ATP2C2: variants seen among roughly 807,000 people sequenced by gnomAD.
The protein encoded by ATP2C2 is calcium-transporting ATPase type 2C member 2.
In ATP2C2, 171 loss-of-function variants were observed where a neutral mutation model predicts 110.8. The observed-to-expected ratio is 1.54, with a 90% CI of 1.36 to 1.75. The LOEUF (loss-of-function observed/expected upper bound fraction) is 1.75. Ranked by LOEUF, ATP2C2 falls within the 40% of genes most tolerant of loss-of-function variation. The pLI, the probability that ATP2C2 is intolerant of heterozygous loss-of-function variation, is 0.00. For missense variants in ATP2C2, 1,963 were observed against 1,235.0 expected (o/e 1.59, Z -8.84); for synonymous variants, 804 against 508.4 (o/e 1.58, Z -7.82).
At chr16:84,420,176 C>G (rs552874129) in intron 7 of ATP2C2, among the ~76,000 whole-genome samples, 5 of 152,196 alleles carry the variant, frequency 3.3e-5, no homozygotes, top group Middle Eastern at 3.2e-3. Context: ...CCTCCCTGCT[C>G]TGTACACCCT....
intron 2 of ATP2C2, among the ~76,000 whole-genome samples, chr16:84,399,688 C>T (rs895941776): frequency 2.0e-5 from 3 of 152,134 alleles, no homozygotes; most frequent in Admixed American, 1.3e-4. Context: ...TACTTTGATA[C>T]AGGCATACGC....
chr16:84,460,403 G>T, intron 23 of ATP2C2: 1 of 569,146 alleles, frequency 1.8e-6, no homozygotes, highest in East Asian at 3.1e-5. Context: ...ACTGTGTGTG[G>T]TTGGCCTTAC....
At position 84,459,285 on chromosome 16, in the gene ATP2C2, G is replaced by T; in HGVS notation, c.2232G>T (p.Leu744=). ...RFQLSTSISA[L]SLITLSTVFN... is the part of the protein sequence containing the mutation. Reference sequence around the variant, plus strand: ...TGCCCCGCAGGAGCATCTCCGCCCTGAGTCTCATCACTCTGTCCACCGTGT... The same window carrying T: ...TGCCCCGCAGGAGCATCTCCGCCCTTAGTCTCATCACTCTGTCCACCGTGT... The change falls in exon 23 of 27, where the codon CTG becomes CTT. Residue 744 remains leucine (L), a synonymous_variant. Coordinates refer to ENST00000262429, the MANE Select transcript of ATP2C2 (RefSeq NM_014861.4). 1 of 1,614,186 alleles carries T rather than the reference G, an allele frequency of 6.2e-7. No individual in the cohort carries two copies. Among genetic ancestry groups the T allele is most frequent in the Non-Finnish European group, 8.5e-7 (1 of 1,180,040 alleles).
intron 2 of ATP2C2, among the ~76,000 whole-genome samples, chr16:84,399,359 C>G (rs974509457): frequency 6.6e-6 from 1 of 152,228 alleles, no homozygotes; most frequent in African/African-American, 2.4e-5. Context: ...GCATATTATC[C>G]CTAGCTAGAA....
In ATP2C2 at chr16:84,460,683, C is replaced by A. The variant is rs1483743831; in HGVS notation, c.2363C>A (p.Ala788Asp). ...SLGVEPVDKD[A>D]FRQPPRSVRD... ...GGGGTAGAGCCCGTTGACAAAGACG[C>A]CTTCAGGCAGCCACCACGGAGTGTG... Residue 788 changes from alanine to aspartate, a missense_variant, in exon 24 of 27, where the codon GCC (alanine) becomes GAC (aspartate). Coordinates refer to ENST00000262429, the MANE Select transcript of ATP2C2 (RefSeq NM_014861.4). The A allele has an allele frequency of 4.3e-6, 7 of 1,614,114 alleles. No individual in the cohort carries two copies. The highest frequency in any genetic ancestry group is 2.7e-5 in the African/African-American group (2 of 74,934).
At chr16:84,408,004 C>T (rs1609478) in intron 3 of ATP2C2, among the ~76,000 whole-genome samples, 116,998 of 152,138 alleles carry the variant, frequency 0.77, 45,777 homozygotes, top group African/African-American at 0.92. Flanking sequence ...CAGGAGCAGG[C>T]TGTTACTGAG....
rs144983616 is a variant in ATP2C2, at chr16:84,412,586, A to G, written c.515+1821A>G. On this transcript the variant is annotated intron_variant, in intron 6 of 26. Transcript: ENST00000262429. ...TGTGTGTGTATGTGTGTGTGTGGAG[A>G]TGGGGTTTCACTATGTTGCTCAGTC... Among the ~76,000 whole-genome samples the G allele has an allele frequency of 3.8e-3, 572 of 151,252 alleles. 2 individuals are homozygous for G. The highest frequency in any genetic ancestry group is 0.013 in the African/African-American group (522 of 41,134).
chr16:84,402,628 C>T (rs1224954430), intron 2 of ATP2C2, among the ~76,000 whole-genome samples: 1 of 152,026 alleles, frequency 6.6e-6, no homozygotes, highest in Admixed American at 6.5e-5. Flanking sequence ...ATCCTTGCAC[C>T]CTTGGGATAA....
intron 1 of ATP2C2, among the ~76,000 whole-genome samples, chr16:84,391,119 A>G (rs1202928014): frequency 2.7e-5 from 4 of 150,432 alleles, no homozygotes; most frequent in African/African-American, 9.9e-5. Context: ...GACTCAAAAA[A>G]AAAAAAAAAA....
intron 1 of ATP2C2, among the ~76,000 whole-genome samples, chr16:84,370,472 A>T (rs1037915354): frequency 6.6e-6 from 1 of 152,134 alleles, no homozygotes; most frequent in Non-Finnish European, 1.5e-5. Context: ...ATGGCAATGA[A>T]GATCGATGGG....
chr16:84,380,990 C>T (rs58400537), intron 1 of ATP2C2, among the ~76,000 whole-genome samples: 5,062 of 152,162 alleles, frequency 0.033, 284 homozygotes, highest in African/African-American at 0.12. Context: ...ATCAGCCCGG[C>T]CAACGTAGTG....
At chr16:84,456,050 T>G (rs1017132233) in intron 21 of ATP2C2, among the ~76,000 whole-genome samples, 1 of 102,296 alleles carries the variant, frequency 9.8e-6, no homozygotes, top group African/African-American at 3.8e-5. Context: ...TTGAGGATTT[T>G]TGCATCAATG....
intron 7 of ATP2C2, among the ~76,000 whole-genome samples, chr16:84,417,444 A>G (rs998341001): frequency 3.3e-5 from 5 of 152,234 alleles, no homozygotes; most frequent in Admixed American, 2.6e-4. Flanking sequence ...TGCTTAGCAC[A>G]TGCCTTTTGT....
At chr16:84,453,443 A>T (rs1328027787) in intron 20 of ATP2C2, 72 bp downstream of exon 20, 3 of 1,585,354 alleles carry the variant, frequency 1.9e-6, no homozygotes, top group Middle Eastern at 3.4e-4. Context: ...CGAGGAGCTC[A>T]TGCGTCCGTC....
rs1203817763 is a variant in ATP2C2, at chr16:84,408,415, C to G, written c.338C>G (p.Pro113Arg). The change falls in exon 4 of 27, where the codon CCC becomes CGC. Residue 113 changes from proline (P) to arginine (R), a missense_variant. Pro to Arg is a moderately radical substitution (Grantham distance 103, BLOSUM62 -2). Coordinates refer to ENST00000262429, the MANE Select transcript of ATP2C2 (RefSeq NM_014861.4). ...WKKYLDQFKN[P>R]LILLLLGSAL... ...TTATTTCCTCTTCAGTTTAAGAACC[C>G]CCTGATCCTGCTGCTGCTGGGCTCT... The G allele has an allele frequency of 6.2e-7, 1 of 1,613,772 alleles. No homozygotes were observed. The highest frequency in any genetic ancestry group is 2.2e-5 in the East Asian group (1 of 44,862).
chr16:84,420,761 G>C lies in ATP2C2; in HGVS notation c.625-1629G>C, dbSNP rs117909982. ...GTCTCCTGAGGTTCTTGTTGGCTGTGACAGTTTCTGATGTTCCTTGTTTTT... is the reference window on the plus strand; with the variant it reads ...GTCTCCTGAGGTTCTTGTTGGCTGTCACAGTTTCTGATGTTCCTTGTTTTT... On this transcript the variant is annotated intron_variant, in intron 7 of 26. Coordinates refer to ENST00000262429, the MANE Select transcript of ATP2C2 (RefSeq NM_014861.4). 1.6e-4 allele frequency among the ~76,000 whole-genome samples: 25 copies of C among 152,226 alleles called. No homozygotes were observed. The East Asian group carries it at 3.9e-3, about 23-fold the overall frequency.
intron 24 of ATP2C2, 159 bp downstream of exon 24, chr16:84,460,960 G>A: frequency 9.2e-7 from 1 of 1,084,464 alleles, no homozygotes; most frequent in South Asian, 1.8e-5. Context: ...GGTGCATGAG[G>A]CAAAGGGACT....
chr16:84,395,508 G>C (rs970232434), intron 1 of ATP2C2, among the ~76,000 whole-genome samples: 2 of 151,310 alleles, frequency 1.3e-5, no homozygotes, highest in African/African-American at 4.9e-5. Context: ...GCCCAGGCTG[G>C]AGTGCAGTGG....
intron 1 of ATP2C2, among the ~76,000 whole-genome samples, chr16:84,392,523 C>T (rs1306176190): frequency 2.0e-5 from 3 of 152,084 alleles, no homozygotes; most frequent in Admixed American, 6.5e-5. Flanking sequence ...AGTGCAGTGG[C>T]GTGATCTCAG....
Sources: allele counts gnomAD v4.1 joint callset (sites outside exome capture counted in the v4.1 genomes callset), GRCh38; gene constraint gnomAD v4.1.1; transcripts MANE v1.5; gene names NCBI Gene and HGNC (gene_info 2026-07-23, HGNC 2026-07-21).